Variants in SCHIP1 observed in about 807,000 individuals in gnomAD.
The protein encoded by SCHIP1 is schwannomin interacting protein 1, also known as schwannomin-interacting protein 1.
A neutral mutation model predicts 29.7 loss-of-function variants in SCHIP1; 8 were observed. The ratio of observed to expected loss-of-function variants is 0.27; its 90% confidence interval spans 0.16 to 0.49. The LOEUF (loss-of-function observed/expected upper bound fraction) is 0.49. Ranked by LOEUF, SCHIP1 falls within the 20% of genes least tolerant of loss-of-function variation. SCHIP1 has a pLI of 0.99. For missense variants in SCHIP1, 193 were observed against 294.6 expected, an observed-to-expected ratio of 0.66 and a Z score of 2.52; for synonymous variants, 76 against 94.9, an observed-to-expected ratio of 0.80 and a Z score of 1.16.
chr3:159,342,423 AC>A, the SCHIP1 span, among the ~76,000 whole-genome samples: 1 of 152,236 alleles, frequency 6.6e-6, no homozygotes, highest in African/African-American at 2.4e-5. Context: ...ATTTTGCTTT[AC>A]TAAGTCAGCA....
chr3:159,423,848 C>G, the SCHIP1 span, among the ~76,000 whole-genome samples: 2 of 152,066 alleles, frequency 1.3e-5, no homozygotes, highest in Non-Finnish European at 2.9e-5. Flanking sequence ...GCCGGATACT[C>G]CTCTGAGACA....
chr3:159,446,395 T>C, the SCHIP1 span, among the ~76,000 whole-genome samples: 1 of 152,058 alleles, frequency 6.6e-6, no homozygotes, highest in East Asian at 1.9e-4. Context: ...TACAATATTG[T>C]TGCAATACAG....
the SCHIP1 span, among the ~76,000 whole-genome samples, chr3:159,361,908 GGAA>G: frequency 2.0e-5 from 3 of 152,308 alleles, no homozygotes; most frequent in Non-Finnish European, 4.4e-5. Context: ...CAGATTTGAG[GGAA>G]GAAGATCAGG....
chr3:159,891,033 T>C (rs1454881515), intron 5 of SCHIP1, among the ~76,000 whole-genome samples: 1 of 152,154 alleles, frequency 6.6e-6, no homozygotes, highest in East Asian at 1.9e-4. Context: ...TGTTTTTCAG[T>C]GGCAGGAGCC....
the SCHIP1 span, among the ~76,000 whole-genome samples, chr3:159,427,209 G>A: frequency 2.6e-5 from 4 of 151,518 alleles, no homozygotes; most frequent in Admixed American, 2.6e-4. Flanking sequence ...GGGCAATTAG[G>A]CAGGAGAAGG....
the SCHIP1 span, among the ~76,000 whole-genome samples, chr3:159,607,904 T>C: frequency 6.6e-6 from 1 of 152,152 alleles, no homozygotes; most frequent in South Asian, 2.1e-4. Context: ...AAAAGCTGAG[T>C]GCCACTTGTG....
intron 1 of SCHIP1, among the ~76,000 whole-genome samples, chr3:159,842,245 C>A (rs1577410486): frequency 6.6e-6 from 1 of 152,068 alleles, no homozygotes; most frequent in Non-Finnish European, 1.5e-5. Context: ...ATATTGATTC[C>A]TTTTCTCCCA....
the SCHIP1 span, among the ~76,000 whole-genome samples, chr3:159,591,296 C>A: frequency 6.6e-6 from 1 of 152,124 alleles, no homozygotes; most frequent in Non-Finnish European, 1.5e-5. Context: ...GAACTTCCAA[C>A]ACTATGTTTT....
chr3:159,655,661 G>A, the SCHIP1 span, among the ~76,000 whole-genome samples: 1,415 of 152,212 alleles, frequency 9.3e-3, 25 homozygotes, highest in African/African-American at 0.032. Context: ...AGGCTGAAGC[G>A]GGAGAATCAT....
At chr3:159,592,736 C>A in the SCHIP1 span, among the ~76,000 whole-genome samples, 1 of 152,054 alleles carries the variant, frequency 6.6e-6, no homozygotes, top group African/African-American at 2.4e-5. Context: ...ACAGACAACT[C>A]CTCATAACAC....
the SCHIP1 span, among the ~76,000 whole-genome samples, chr3:159,567,650 C>A: frequency 6.6e-6 from 1 of 152,052 alleles, no homozygotes; most frequent in African/African-American, 2.4e-5. Flanking sequence ...TACAATAGTA[C>A]TACATCATCT....
At chr3:159,706,031 C>T in the SCHIP1 span, among the ~76,000 whole-genome samples, 1 of 152,032 alleles carries the variant, frequency 6.6e-6, no homozygotes, top group African/African-American at 2.4e-5. Context: ...GATCAGGGAT[C>T]CAAAGGATGT....
chr3:159,778,993 T>C, the SCHIP1 span, among the ~76,000 whole-genome samples: 1 of 152,252 alleles, frequency 6.6e-6, no homozygotes, highest in Non-Finnish European at 1.5e-5. Context: ...TGCTCTCTGA[T>C]ATCCAGATTT....
At chr3:159,655,763 C>G in the SCHIP1 span, among the ~76,000 whole-genome samples, 3 of 152,134 alleles carry the variant, frequency 2.0e-5, no homozygotes, top group African/African-American at 7.2e-5. Context: ...GTGGAAGGTG[C>G]CTGTAATCCC....
the SCHIP1 span, among the ~76,000 whole-genome samples, chr3:159,506,916 G>GC: frequency 6.6e-6 from 1 of 152,076 alleles, no homozygotes; most frequent in Non-Finnish European, 1.5e-5. Context: ...CCCCAGCTTT[G>GC]TTTTTTGGCT....
chr3:159,773,401 A>G, the SCHIP1 span, among the ~76,000 whole-genome samples: 1 of 152,212 alleles, frequency 6.6e-6, no homozygotes, highest in Non-Finnish European at 1.5e-5. Flanking sequence ...AAGATTACAC[A>G]TCTTCACCTA....
chr3:159,276,453 T>C, the SCHIP1 span, among the ~76,000 whole-genome samples: 1 of 152,164 alleles, frequency 6.6e-6, no homozygotes, highest in South Asian at 2.1e-4. Flanking sequence ...TACCCTAGCA[T>C]CCCAGAGAAT....
chr3:159,726,719 C>G, the SCHIP1 span, among the ~76,000 whole-genome samples: 1 of 152,110 alleles, frequency 6.6e-6, no homozygotes, highest in Non-Finnish European at 1.5e-5. Flanking sequence ...AAATAGGGCC[C>G]CCTGCAGCCT....
At chr3:159,541,358 A>T in the SCHIP1 span, among the ~76,000 whole-genome samples, 1 of 152,252 alleles carries the variant, frequency 6.6e-6, no homozygotes, top group East Asian at 1.9e-4. Flanking sequence ...AATGGTTTTT[A>T]AAAAGGGAGC....
Sources: allele counts gnomAD v4.1 joint callset (sites outside exome capture counted in the v4.1 genomes callset), GRCh38; gene constraint gnomAD v4.1.1; transcripts MANE v1.5; gene names NCBI Gene and HGNC (gene_info 2026-07-23, HGNC 2026-07-21).